MPC2: variants seen among roughly 807,000 people sequenced by gnomAD.
MPC2 encodes the protein brain protein 44.
A neutral mutation model predicts 19.2 loss-of-function variants in MPC2; 19 were observed. The observed-to-expected ratio is 0.99, with a 90% CI of 0.69 to 1.45. The LOEUF is 1.45. Among genes scored for constraint, MPC2 ranks in the 40% most tolerant of loss-of-function variants. MPC2 has a pLI of 0.00. For missense variants in MPC2, 122 were observed against 153.0 expected (o/e 0.80, Z 1.07); for synonymous variants, 61 against 54.3 (o/e 1.12, Z -0.54).
chr1:167,920,768 T>C (rs1670581134), intron 3 of MPC2, 137 bp from the exon 4 acceptor site: 1 of 872,392 alleles, frequency 1.1e-6, no homozygotes, highest in Admixed American at 3.3e-5. Flanking sequence ...ATTAAGAAAA[T>C]GTAGATTACA....
intron 2 of MPC2, among the ~76,000 whole-genome samples, chr1:167,929,891 C>T (rs1167620941): frequency 1.3e-5 from 2 of 152,192 alleles, no homozygotes; most frequent in Non-Finnish European, 2.9e-5. Flanking sequence ...CTCTTCCCAT[C>T]CCTTTCATGC....
chr1:167,918,234 G>A lies in MPC2; in HGVS notation c.*89C>T. 3.7e-6 allele frequency: 4 copies of A among 1,080,136 alleles called. No homozygotes were observed. In the South Asian group the frequency reaches 6.3e-5, roughly 17 times the overall value. The allele number at this position is 1,080,136 out of a possible 1,614,324, so 66.9% of individuals were successfully genotyped here. A position where few individuals can be genotyped will look rare whatever the true frequency, so the allele number is the denominator to read the frequency against. On this transcript the variant is annotated 3_prime_UTR_variant, in exon 6 of 6. Coordinates refer to ENST00000271373, the MANE Select transcript of MPC2 (RefSeq NM_001143674.4). ...AGTTACAGTGCCTTCTAAACACACA[G>A]TTAGCTTTGCTTTATCAATAACCAA... is the stretch of plus-strand genomic sequence containing the variant.
intron 1 of MPC2, chr1:167,936,308 A>G (rs1671207882): frequency 5.2e-6 from 1 of 191,850 alleles, no homozygotes; most frequent in East Asian, 1.5e-4. Context: ...CTGCCCTTTC[A>G]CTTTGATTAA....
At chr1:167,936,814 T>A in intron 1 of MPC2, 125 bp downstream of exon 1, 1 of 1,102,516 alleles carries the variant, frequency 9.1e-7, no homozygotes, top group East Asian at 2.7e-5. Flanking sequence ...GGCGCGCGGA[T>A]GGTGCCGGTG....
chr1:167,927,984 A>G (rs10489201), intron 2 of MPC2, among the ~76,000 whole-genome samples: 19,742 of 152,192 alleles, frequency 0.13, 1,630 homozygotes, highest in African/African-American at 0.23. Context: ...TGAGATACTA[A>G]AAGATGTGGA....
At position 167,937,031 on chromosome 1, in the gene MPC2, A is replaced by T. The variant is rs557183345; in HGVS notation, c.-150T>A. ...TGGGTGAGCGGGGGCCCCGGGGCGG[A>T]GGCGCTGAGGTCGCCGCCTAGAGTG... On this transcript the variant is annotated 5_prime_UTR_variant, in exon 1 of 6. Coordinates refer to ENST00000271373, the MANE Select transcript of MPC2 (RefSeq NM_001143674.4). 602 of 1,586,666 alleles carry T rather than the reference A, an allele frequency of 3.8e-4. 7 individuals carry two copies. In the South Asian group the frequency reaches 6.5e-3, roughly 17 times the overall value.
rs1196618939 is a variant in MPC2 at position 167,935,995 on chromosome 1, T to G, written c.-57-97A>C. The G allele has an allele frequency of 9.3e-6, 6 of 645,854 alleles. No homozygotes were observed. In the East Asian group the frequency reaches 1.7e-4, roughly 18 times the overall value. 40.0% of individuals were successfully genotyped at this position (645,854 alleles called of 1,614,324 possible). A position where few individuals can be genotyped will look rare whatever the true frequency, so the allele number is the denominator to read the frequency against. ...TTCCCGCGGCTTTCCCTGCCCGCTG[T>G]GAACCGAAAAGCTGCGGCCCGCGCC... On this transcript the variant is annotated intron_variant, in intron 1 of 5. Transcript: ENST00000271373.
intron 5 of MPC2, 29 bp downstream of exon 5, chr1:167,919,950 A>G (rs1425044498): frequency 6.5e-7 from 1 of 1,540,212 alleles, no homozygotes; most frequent in Non-Finnish European, 8.8e-7. Flanking sequence ...CTTTTGCAAC[A>G]GTTTTAAAAA....
In MPC2 at chr1:167,920,621, C is replaced by A; in HGVS notation, c.161G>T (p.Cys54Phe). 1 of 1,613,412 alleles carries A rather than the reference C, an allele frequency of 6.2e-7. No homozygotes were observed. Residue 54 changes from cysteine to phenylalanine, a missense_variant, in exon 4 of 6, where the codon TGT becomes TTT. Cys to Phe is a radical substitution (Grantham distance 205). Coordinates refer to ENST00000271373, the MANE Select transcript of MPC2 (RefSeq NM_001143674.4). ...TCTGGCCATATCAGCCAATCCAGCA[C>A]ACACCAACCCCTACACATTAACGCA... Reference protein sequence around the residue: ...WAPIMKWGLVCAGLADMARPA... With the variant: ...WAPIMKWGLVFAGLADMARPA...
chr1:167,923,618 T>C (rs1040636262), intron 3 of MPC2, among the ~76,000 whole-genome samples: 6 of 152,038 alleles, frequency 3.9e-5, no homozygotes, highest in African/African-American at 1.4e-4. Flanking sequence ...TGGTTAACAA[T>C]GATGTAAATG....
intron 2 of MPC2, among the ~76,000 whole-genome samples, chr1:167,925,708 G>A (rs911850247): frequency 6.6e-6 from 1 of 150,986 alleles, no homozygotes; most frequent in Non-Finnish European, 1.5e-5. Context: ...CACCACACCC[G>A]GCTAATTTTT....
intron 2 of MPC2, among the ~76,000 whole-genome samples, chr1:167,924,866 C>T (rs1273383010): frequency 6.6e-6 from 1 of 152,156 alleles, no homozygotes; most frequent in African/African-American, 2.4e-5. Context: ...TCAAGTAACA[C>T]TCTCATCCCA....
intron 3 of MPC2, 124 bp downstream of exon 3, chr1:167,924,373 G>T: frequency 2.8e-6 from 2 of 702,988 alleles, no homozygotes; most frequent in South Asian, 2.3e-5. Context: ...TATTTGCCAT[G>T]AAATCATCTA....
chr1:167,918,419 G>A (rs1670520940), intron 5 of MPC2, 60 bp from the exon 6 acceptor site: 4 of 1,091,270 alleles, frequency 3.7e-6, no homozygotes, highest in South Asian at 1.4e-5. Context: ...TTATGGTAAG[G>A]AGAGAATGGG....
intron 2 of MPC2, among the ~76,000 whole-genome samples, chr1:167,933,349 T>TA (rs1411677129): frequency 1.3e-5 from 2 of 152,094 alleles, no homozygotes; most frequent in East Asian, 3.8e-4. Flanking sequence ...TGTATTTTAG[T>TA]AGAGATAGGG....
intron 3 of MPC2, among the ~76,000 whole-genome samples, chr1:167,920,919 T>C (rs1345111801): frequency 1.3e-5 from 2 of 152,186 alleles, no homozygotes; most frequent in Non-Finnish European, 2.9e-5. Flanking sequence ...CACGTACATA[T>C]ATATTTTGGG....
In MPC2 at chr1:167,931,716, AT is replaced by A. The variant is rs1310557467; in HGVS notation, c.109+4016del. ...GATCCATATTAGATTTTATTTACAT[AT>A]AATAGAACAATATATATTTGCACTA... On this transcript the variant is annotated intron_variant, in intron 2 of 5. Transcript: ENST00000271373. 3.3e-5 allele frequency among the ~76,000 whole-genome samples: 5 copies of A among 152,260 alleles called. No homozygotes were observed. The East Asian group carries it at 9.6e-4, about 29-fold the overall frequency.
intron 2 of MPC2, among the ~76,000 whole-genome samples, chr1:167,925,064 G>A (rs569145614): frequency 2.0e-5 from 3 of 152,064 alleles, no homozygotes; most frequent in Non-Finnish European, 2.9e-5. Flanking sequence ...CAAACTACTT[G>A]CCTTTAGCCT....
At chr1:167,936,865 C>CCA in intron 1 of MPC2, 74 bp downstream of exon 1, 1 of 1,480,148 alleles carries the variant, frequency 6.8e-7, no homozygotes, top group Non-Finnish European at 9.2e-7. Context: ...CCCCTCCTCC[C>CCA]CTCCCCCACG....
Sources: allele counts gnomAD v4.1 joint callset (sites outside exome capture counted in the v4.1 genomes callset), GRCh38; gene constraint gnomAD v4.1.1; transcripts MANE v1.5; gene names NCBI Gene and HGNC (gene_info 2026-07-23, HGNC 2026-07-21).